The following NENF variants were observed in gnomAD, a reference collection of about 807,000 sequenced individuals.
The protein encoded by NENF is neudesin neurotrophic factor.
NENF carries 6 observed loss-of-function variants against 14.8 expected under a neutral mutation model. The observed-to-expected ratio is 0.40, with a 90% CI of 0.22 to 0.80. The LOEUF is 0.80. NENF is among the 30% of genes least tolerant of loss of function. The pLI is 0.34. For missense variants in NENF, 184 were observed against 212.7 expected, an observed-to-expected ratio of 0.87 and a Z score of 0.84; for synonymous variants, 76 against 95.1, an observed-to-expected ratio of 0.80 and a Z score of 1.17.
At chr1:212,439,435 G>A (rs1163930297) in intron 1 of NENF, among the ~76,000 whole-genome samples, 1 of 150,744 alleles carries the variant, frequency 6.6e-6, no homozygotes, top group Non-Finnish European at 1.5e-5. Flanking sequence ...CCAGCTACTC[G>A]GGACACTGAG....
At chr1:212,445,699 A>C in intron 3 of NENF, 131 bp from the exon 4 acceptor site, 1 of 468,560 alleles carries the variant, frequency 2.1e-6, no homozygotes, top group East Asian at 7.5e-5. Context: ...TTTGTCCATT[A>C]TTTGGTTTGT....
chr1:212,434,152 A>G (rs975571364), intron 1 of NENF, among the ~76,000 whole-genome samples: 11 of 152,216 alleles, frequency 7.2e-5, no homozygotes, highest in Admixed American at 7.2e-4. Context: ...GGGGCCATTT[A>G]GAACCATGAG....
chr1:212,442,417 A>C, intron 1 of NENF, 148 bp from the exon 2 acceptor site: 1 of 642,468 alleles, frequency 1.6e-6, no homozygotes, highest in Admixed American at 2.6e-5. Flanking sequence ...GCAGGTGGCA[A>C]GCTCGCCAAG....
chr1:212,445,989 A>G lies in NENF; in HGVS notation c.502A>G (p.Ile168Val). 1.2e-6 allele frequency: 2 copies of G among 1,614,142 alleles called. No individual in the cohort carries two copies. The highest frequency in any genetic ancestry group is 1.7e-6 in the Non-Finnish European group (2 of 1,180,028). ...FKPEDQPHFD[I>V]KDEF is the part of the protein sequence containing the mutation. ...GCCTGAAGACCAGCCCCATTTTGAC[A>G]TCAAGGATGAGTTCTGATGTTCCCC... Residue 168 changes from isoleucine to valine, a missense_variant, in exon 4 of 4, where the codon ATC (isoleucine) becomes GTC (valine). Coordinates refer to ENST00000366988, the MANE Select transcript of NENF (RefSeq NM_013349.5).
At chr1:212,440,251 CA>C (rs371489983) in intron 1 of NENF, among the ~76,000 whole-genome samples, 126 of 86,988 alleles carry the variant, frequency 1.4e-3, no homozygotes, top group Non-Finnish European at 1.3e-3. Context: ...GACTCTGTCT[CA>C]AAAAAAAAAA....
intron 1 of NENF, among the ~76,000 whole-genome samples, chr1:212,435,777 T>C (rs1208989860): frequency 6.6e-6 from 1 of 152,026 alleles, no homozygotes; most frequent in Non-Finnish European, 1.5e-5. Flanking sequence ...ACTCCTGGGC[T>C]CAAGCAACTC....
rs567431442 is a variant in NENF at position 212,438,413 on chromosome 1, T to G, written c.178-4152T>G. Among the ~76,000 whole-genome samples the G allele has an allele frequency of 2.0e-5, 3 of 152,326 alleles. No homozygotes were observed. The South Asian group carries it at 6.2e-4, about 32-fold the overall frequency. On this transcript the variant is annotated intron_variant, in intron 1 of 3. Transcript: ENST00000366988. ...ATCAGACAGGTATGAGTCTGAATCC[T>G]GACTTTTTATTTACCAGCAGAGAAA...
intron 3 of NENF, 57 bp from the exon 4 acceptor site, chr1:212,445,773 G>A (rs1662768838): frequency 5.0e-6 from 8 of 1,586,744 alleles, no homozygotes; most frequent in Middle Eastern, 1.7e-4. Context: ...AAAGGCCAGT[G>A]CCAAACACTA....
intron 1 of NENF, among the ~76,000 whole-genome samples, chr1:212,438,528 T>C (rs1437687849): frequency 1.3e-5 from 2 of 152,150 alleles, no homozygotes; most frequent in Admixed American, 6.5e-5. Flanking sequence ...TATTTTATTT[T>C]AGTTTAGTTT....
chr1:212,444,619 C>T (rs12024457), intron 3 of NENF, among the ~76,000 whole-genome samples, 177 bp downstream of exon 3: 6,188 of 150,000 alleles, frequency 0.041, 612 homozygotes, highest in East Asian at 0.37. Flanking sequence ...CTTCGGTCCA[C>T]TTGGTATGGT....
At position 212,432,988 on chromosome 1, in the gene NENF, G is replaced by T. The variant is rs1662541805; in HGVS notation, c.45G>T (p.Ala15=). 3.6e-6 allele frequency: 4 copies of T among 1,116,296 alleles called. No homozygotes were observed. Among genetic ancestry groups the T allele is most frequent in the Non-Finnish European group, 4.4e-6 (4 of 906,444 alleles). The allele number at this position is 1,116,296 out of a possible 1,614,324, so 69.1% of individuals were successfully genotyped here. ...GGCGGCGGCTGCGGCCGCTGGCAGC[G>T]CTGGCCCTGGTCCTGGCGCTGGCCC... The part of the protein sequence containing the change: ...APRRRLRPLA[A]LALVLALAPG... Residue 15 remains alanine, a synonymous_variant, in exon 1 of 4, where the codon GCG becomes GCT. Coordinates refer to ENST00000366988, the MANE Select transcript of NENF (RefSeq NM_013349.5).
rs144820151 is a variant in NENF at position 212,444,908 on chromosome 1, G to C, written c.342+466G>C. ...TAGCTTTGTGGATGAACTGGGTTGG[G>C]AAGAAAGGTCTCCCTCTATGCTTAT... On this transcript the variant is annotated intron_variant, in intron 3 of 3. Transcript: ENST00000366988. Among the ~76,000 whole-genome samples the C allele has an allele frequency of 5.1e-4, 78 of 152,242 alleles. No homozygotes were observed. The South Asian group carries it at 9.7e-3, about 19-fold the overall frequency.
chr1:212,433,801 C>G lies in NENF; in HGVS notation c.177+681C>G, dbSNP rs1402104390. On this transcript the variant is annotated intron_variant, in intron 1 of 3. Coordinates refer to ENST00000366988, the MANE Select transcript of NENF (RefSeq NM_013349.5). This position sits in a 1 kb window ranked among gnomAD's most constrained non-coding sequence, Gnocchi z 5.5. ...AGTCTAGAGGCGTCCAGAAAACTCACAACCACCTGCCCACCTGGGTTGGTT... is the reference window on the plus strand; with the variant it reads ...AGTCTAGAGGCGTCCAGAAAACTCAGAACCACCTGCCCACCTGGGTTGGTT... Among the ~76,000 whole-genome samples the G allele has an allele frequency of 1.3e-5, 2 of 152,098 alleles. No individual in the cohort carries two copies. The highest frequency in any genetic ancestry group is 4.8e-5 in the African/African-American group (2 of 41,410).
intron 3 of NENF, 75 bp downstream of exon 3, chr1:212,444,517 T>TTGTG (rs1662747117): frequency 2.4e-6 from 2 of 842,344 alleles, no homozygotes; most frequent in Non-Finnish European, 3.5e-6. Flanking sequence ...CTTTTTCTTT[T>TTGTG]CGTGTGTGTG....
intron 1 of NENF, among the ~76,000 whole-genome samples, chr1:212,435,246 A>G (rs1442958564): frequency 1.3e-5 from 2 of 152,212 alleles, no homozygotes; most frequent in African/African-American, 2.4e-5. Flanking sequence ...TTCACCAGGG[A>G]ACAGAACCAT....
chr1:212,434,223 T>C (rs1662569457), intron 1 of NENF, among the ~76,000 whole-genome samples: 1 of 151,994 alleles, frequency 6.6e-6, no homozygotes, highest in Non-Finnish European at 1.5e-5. Context: ...AGGGATGCCT[T>C]TTTGCCGGTA....
At chr1:212,435,545 T>C (rs1410432440) in intron 1 of NENF, among the ~76,000 whole-genome samples, 1 of 145,754 alleles carries the variant, frequency 6.9e-6, no homozygotes, top group African/African-American at 2.5e-5. Flanking sequence ...ACAGTTTTTT[T>C]CCTTTTTTTT....
chr1:212,441,922 A>G (rs934947325), intron 1 of NENF, among the ~76,000 whole-genome samples: 4 of 152,244 alleles, frequency 2.6e-5, no homozygotes, highest in African/African-American at 9.6e-5. Context: ...GTGTATGTCT[A>G]TTGATGAAGA....
chr1:212,436,008 C>G (rs1283699263), intron 1 of NENF, among the ~76,000 whole-genome samples: 1 of 152,060 alleles, frequency 6.6e-6, no homozygotes. Context: ...AATATATTTA[C>G]TATTAAGTGA....
Sources: allele counts gnomAD v4.1 joint callset (sites outside exome capture counted in the v4.1 genomes callset), GRCh38; gene constraint gnomAD v4.1.1; non-coding constraint Gnocchi (gnomAD v3.1); transcripts MANE v1.5; gene names NCBI Gene and HGNC (gene_info 2026-07-23, HGNC 2026-07-21).